The following RYR2 variants were observed in gnomAD, a reference collection of about 807,000 sequenced individuals.
The protein encoded by RYR2 is cardiac muscle ryanodine receptor-calcium release channel.
RYR2 carries 227 observed loss-of-function variants against 601.1 expected under a neutral mutation model. The ratio of observed to expected loss-of-function variants is 0.38; its 90% CI spans 0.34 to 0.42. The LOEUF (loss-of-function observed/expected upper bound fraction) is 0.42. RYR2 is among the 10% of genes least tolerant of loss of function. The pLI, the probability that RYR2 is intolerant of heterozygous loss-of-function variation, is 1.00. For missense variants in RYR2, 4,646 were observed against 6,156.5 expected (o/e 0.75, Z 8.21); for synonymous variants, 2,223 against 2,175.1 (o/e 1.02, Z -0.61).
intron 25 of RYR2, among the ~76,000 whole-genome samples, chr1:237,547,239 C>T (rs1669923480): frequency 6.6e-6 from 1 of 151,896 alleles, no homozygotes; most frequent in Admixed American, 6.6e-5. Flanking sequence ...CTCCTGGCCT[C>T]ATGTGATCCA....
intron 1 of RYR2, among the ~76,000 whole-genome samples, chr1:237,054,312 T>G (rs1462988557): frequency 2.4e-5 from 2 of 81,926 alleles, no homozygotes; most frequent in East Asian, 3.7e-4. Flanking sequence ...CTCCCTCTTC[T>G]CCCCTCCCCG....
At chr1:237,725,098 T>C (rs1690084853) in intron 74 of RYR2, among the ~76,000 whole-genome samples, 2 of 152,086 alleles carry the variant, frequency 1.3e-5, no homozygotes, top group Admixed American at 6.6e-5. Context: ...GATACGGAGC[T>C]GTTAGGATAT....
At chr1:237,733,003 C>T (rs764786508) in intron 78 of RYR2, among the ~76,000 whole-genome samples, 5 of 152,102 alleles carry the variant, frequency 3.3e-5, no homozygotes, top group Admixed American at 6.6e-5. Flanking sequence ...TGTGATCTAT[C>T]CTTTCTCTCA....
At chr1:237,627,454 A>G (rs1289136599) in intron 40 of RYR2, among the ~76,000 whole-genome samples, 2 of 152,246 alleles carry the variant, frequency 1.3e-5, no homozygotes, top group Non-Finnish European at 2.9e-5. Context: ...AGAAAATAAT[A>G]GAACAAAACA....
chr1:237,780,706 A>T (rs1304153897), intron 88 of RYR2, among the ~76,000 whole-genome samples: 3 of 152,240 alleles, frequency 2.0e-5, no homozygotes, highest in East Asian at 3.8e-4. Context: ...GGAAAGCTTA[A>T]TCAAATTGGT....
chr1:237,474,306 CACAT>C (rs1445622195), intron 17 of RYR2, among the ~76,000 whole-genome samples: 4 of 145,114 alleles, frequency 2.8e-5, no homozygotes, highest in Non-Finnish European at 4.6e-5. Context: ...TACACACACA[CACAT>C]ACATACATAT....
chr1:237,616,638 A>AC (rs147117234), intron 37 of RYR2, among the ~76,000 whole-genome samples: 7,074 of 152,150 alleles, frequency 0.046, 160 homozygotes, highest in Non-Finnish European at 0.059. Flanking sequence ...TTCCCAGAAG[A>AC]CCCTTAGCAA....
intron 29 of RYR2, among the ~76,000 whole-genome samples, chr1:237,581,731 A>G (rs1241803214): frequency 6.6e-6 from 1 of 152,178 alleles, no homozygotes; most frequent in African/African-American, 2.4e-5. Flanking sequence ...TGGCTTTACC[A>G]TAACAGCTGA....
At chr1:237,632,505 C>T (rs911234478) in intron 42 of RYR2, among the ~76,000 whole-genome samples, 7 of 151,750 alleles carry the variant, frequency 4.6e-5, no homozygotes, top group African/African-American at 1.7e-4. Flanking sequence ...CTACATTCTC[C>T]TTCCTCAGCC....
At chr1:237,604,215 A>T (rs1676842528) in intron 35 of RYR2, among the ~76,000 whole-genome samples, 1 of 152,198 alleles carries the variant, frequency 6.6e-6, no homozygotes, top group African/African-American at 2.4e-5. Context: ...AAATTATAAC[A>T]AACTGTCTCT....
At chr1:237,109,576 C>G (rs1294427833) in intron 1 of RYR2, among the ~76,000 whole-genome samples, 1 of 152,148 alleles carries the variant, frequency 6.6e-6, no homozygotes, top group Non-Finnish European at 1.5e-5. Flanking sequence ...CAGGAGGAGG[C>G]CCCTGCAGCC....
intron 1 of RYR2, among the ~76,000 whole-genome samples, chr1:237,064,569 ATCT>A (rs1302592505): frequency 2.6e-5 from 4 of 152,076 alleles, no homozygotes; most frequent in Non-Finnish European, 5.9e-5. Flanking sequence ...AGATGATGTT[ATCT>A]TCTTCCACAA....
intron 10 of RYR2, among the ~76,000 whole-genome samples, chr1:237,408,576 C>T (rs1704138442): frequency 6.6e-6 from 1 of 151,982 alleles, no homozygotes. Flanking sequence ...GTGTTGAATA[C>T]TGTAGCTTTA....
chr1:237,649,222 T>A (rs1345826222), intron 49 of RYR2, among the ~76,000 whole-genome samples: 2 of 152,248 alleles, frequency 1.3e-5, no homozygotes, highest in African/African-American at 4.8e-5. Flanking sequence ...CCTACTTTCA[T>A]GTACTCATTA....
chr1:237,329,341 T>TA (rs1171966562), intron 2 of RYR2, among the ~76,000 whole-genome samples: 1 of 151,994 alleles, frequency 6.6e-6, no homozygotes, highest in Non-Finnish European at 1.5e-5. Context: ...TGCCTTTTTT[T>TA]ATATTTAAAA....
At chr1:237,737,483 T>A (rs77415047) in intron 79 of RYR2, among the ~76,000 whole-genome samples, 2,607 of 152,328 alleles carry the variant, frequency 0.017, 75 homozygotes, top group African/African-American at 0.059. Context: ...ATCTTATACA[T>A]TTGCCATCAA....
At chr1:237,144,833 T>C (rs1673809834) in intron 1 of RYR2, among the ~76,000 whole-genome samples, 1 of 152,178 alleles carries the variant, frequency 6.6e-6, no homozygotes, top group Non-Finnish European at 1.5e-5. Context: ...AGTCTAGTAA[T>C]AAAGTAAATA....
At chr1:237,483,080 T>C (rs1662296194) in intron 17 of RYR2, among the ~76,000 whole-genome samples, 3 of 152,200 alleles carry the variant, frequency 2.0e-5, no homozygotes, top group African/African-American at 7.2e-5. Context: ...CAGGCTGGTT[T>C]AATTTCTCCT....
At chr1:237,592,017 G>A (rs1239633255) in intron 32 of RYR2, among the ~76,000 whole-genome samples, 164 bp downstream of exon 32, 4 of 152,088 alleles carry the variant, frequency 2.6e-5, no homozygotes, top group Non-Finnish European at 5.9e-5. Flanking sequence ...AAAAGTTTAC[G>A]TATTATGATG....
Sources: allele counts gnomAD v4.1 joint callset (sites outside exome capture counted in the v4.1 genomes callset), GRCh38; gene constraint gnomAD v4.1.1; transcripts MANE v1.5; gene names NCBI Gene and HGNC (gene_info 2026-07-23, HGNC 2026-07-21).